MICU2: variants seen among roughly 807,000 people sequenced by gnomAD.
MICU2 encodes mitochondrial calcium uptake 2, also known as calcium uptake protein 2, mitochondrial.
Under a neutral mutation model 60.4 loss-of-function variants are expected in MICU2, and 64 were observed. The observed-to-expected ratio is 1.06, with a 90% confidence interval of 0.87 to 1.31. The LOEUF is 1.31. MICU2 is among the 50% of genes most tolerant of loss of function. MICU2 has a pLI of 0.00. For synonymous variants in MICU2, 201 were observed against 175.0 expected, an observed-to-expected ratio of 1.15 and a Z score of -1.17; for missense variants, 569 against 531.0, an observed-to-expected ratio of 1.07 and a Z score of -0.70.
Position 21,539,347 on chromosome 13 carries a change from T to C in MICU2, c.421A>G (p.Thr141Ala), listed in dbSNP as rs1887217976. ...DIEDTLSGIQ[T>A]AGCGSTFFRD... ...AAAAAAGTTGATCCACAGCCAGCTG[T>C]TTGGATCCCTGACAGTGTATCCTCG... Residue 141 changes from threonine (T) to alanine (A), a missense_variant, in exon 4 of 12, where the codon ACA becomes GCA. Physicochemically the swap from Thr to Ala is moderately conservative, Grantham distance 58. Coordinates refer to ENST00000382374, the MANE Select transcript of MICU2 (RefSeq NM_152726.3). 1 of 1,614,114 alleles carries C rather than the reference T, an allele frequency of 6.2e-7. No individual in the cohort carries two copies. Among genetic ancestry groups the C allele is most frequent in the East Asian group, 2.2e-5 (1 of 44,890 alleles).
intron 9 of MICU2, among the ~76,000 whole-genome samples, chr13:21,497,458 C>T (rs570373111): frequency 5.3e-5 from 8 of 152,234 alleles, no homozygotes; most frequent in Non-Finnish European, 1.0e-4. Flanking sequence ...ACTGCAATCA[C>T]AGCACTTTGG....
chr13:21,502,769 C>T, intron 9 of MICU2, 157 bp downstream of exon 9: 1 of 609,312 alleles, frequency 1.6e-6, no homozygotes, highest in South Asian at 2.3e-5. Flanking sequence ...GGCAGTTTTC[C>T]TTTACAGGAG....
chr13:21,531,433 T>C (rs952864296), intron 4 of MICU2: 2 of 715,124 alleles, frequency 2.8e-6, no homozygotes, highest in African/African-American at 1.8e-5. Flanking sequence ...TCAAAGTGCA[T>C]CACACAGGTA....
chr13:21,561,786 G>C (rs1887850221), intron 2 of MICU2, among the ~76,000 whole-genome samples: 2 of 140,892 alleles, frequency 1.4e-5, no homozygotes, highest in South Asian at 4.7e-4. Context: ...ATGTATACAT[G>C]TGCCATGCTG....
intron 1 of MICU2, among the ~76,000 whole-genome samples, chr13:21,571,590 C>T (rs188924960): frequency 1.2e-3 from 175 of 152,166 alleles, no homozygotes; most frequent in Non-Finnish European, 1.7e-3. Flanking sequence ...CGCAGCTACT[C>T]GGGAGGCTGA....
rs1888844900 is a variant in MICU2, at chr13:21,602,462, C to CCA, written c.210+1476_210+1477insTG. On this transcript the variant is annotated intron_variant, in intron 1 of 11. Coordinates refer to ENST00000382374, the MANE Select transcript of MICU2 (RefSeq NM_152726.3). ...GCGTGAACCCGGGAGGCGGAGCTTG[C>CCA]AGTAAGCCGAGATAGCGCCACTGCA... 6.6e-5 allele frequency among the ~76,000 whole-genome samples: 10 copies of CCA among 152,110 alleles called. No homozygotes were observed. The South Asian group carries it at 2.1e-3, about 32-fold the overall frequency.
At position 21,601,052 on chromosome 13, in the gene MICU2, T is replaced by G. The variant is rs1888803784; in HGVS notation, c.210+2887A>C. Among the ~76,000 whole-genome samples the G allele has an allele frequency of 2.0e-5, 3 of 152,292 alleles. No homozygotes were observed. In the South Asian group the frequency reaches 6.2e-4, roughly 32 times the overall value. ...ACCTCGTGATCCGCCCATCTCGGCC[T>G]CCCAAAGTGCTGGGATTACAGGCGT... On this transcript the variant is annotated intron_variant, in intron 1 of 11. Transcript: ENST00000382374.
intron 4 of MICU2, among the ~76,000 whole-genome samples, chr13:21,524,780 A>G (rs930651214): frequency 6.6e-6 from 1 of 152,046 alleles, no homozygotes; most frequent in Non-Finnish European, 1.5e-5. Context: ...CCCACCACCC[A>G]TTCCTGCCTC....
At chr13:21,518,430 C>G (rs189406694) in intron 6 of MICU2, among the ~76,000 whole-genome samples, 1 of 152,304 alleles carries the variant, frequency 6.6e-6, no homozygotes, top group Non-Finnish European at 1.5e-5. Flanking sequence ...AACTTTGGTG[C>G]TGATGAGTAT....
At position 21,550,817 on chromosome 13, in the gene MICU2, C is replaced by T. The variant is rs556978101; in HGVS notation, c.359-11129G>A. On this transcript the variant is annotated intron_variant, in intron 2 of 11. Transcript: ENST00000382374. ...CTTTGACGTAGGTACTATTAGCACT[C>T]CCGTTTTACTGATGAGGAAACCTAG... Among the ~76,000 whole-genome samples the T allele has an allele frequency of 3.3e-5, 5 of 152,226 alleles. No individual in the cohort carries two copies. In the East Asian group the frequency reaches 9.7e-4, roughly 29 times the overall value.
chr13:21,501,808 C>T (rs777648730), intron 9 of MICU2, among the ~76,000 whole-genome samples: 3 of 152,132 alleles, frequency 2.0e-5, no homozygotes. Context: ...AGCCTCTGAG[C>T]GTGGTACTTC....
chr13:21,507,667 A>G (rs2138144071), intron 8 of MICU2, among the ~76,000 whole-genome samples: 1 of 148,600 alleles, frequency 6.7e-6, no homozygotes, highest in South Asian at 2.1e-4. Context: ...GCAGTGGCGC[A>G]GTCTTGGCTC....
Position 21,522,627 on chromosome 13 carries a change from G to T in MICU2, c.490C>A (p.Leu164Ile), listed in dbSNP as rs1188375841. 1.9e-6 allele frequency: 3 copies of T among 1,604,996 alleles called. No homozygotes were observed. The highest frequency in any genetic ancestry group is 2.2e-5 in the East Asian group (1 of 44,566). ...DKGLISYTEY[L>I]FLLTILTKPH... ...CTAGTGAGGATTGTAAGCAAGAAAA[G>T]ATACTCGGTATATGAAATTAGCCCT... Residue 164 changes from leucine (L) to isoleucine (I), a missense_variant, in exon 5 of 12, where the codon CTT (leucine) becomes ATT (isoleucine). Leu to Ile is a conservative substitution (Grantham distance 5, BLOSUM62 2). Coordinates refer to ENST00000382374, the MANE Select transcript of MICU2 (RefSeq NM_152726.3).
chr13:21,518,197 A>G (rs1302533288), intron 6 of MICU2, among the ~76,000 whole-genome samples: 1 of 152,246 alleles, frequency 6.6e-6, no homozygotes, highest in Non-Finnish European at 1.5e-5. Flanking sequence ...AATGTATTTG[A>G]AAAAATTTTA....
chr13:21,537,692 AACTCTGT>A, intron 4 of MICU2, among the ~76,000 whole-genome samples: 1 of 152,096 alleles, frequency 6.6e-6, no homozygotes, highest in Non-Finnish European at 1.5e-5. Context: ...GCTGGTCTCA[AACTCTGT>A]ACCTCAGGTG....
At position 21,492,857 on chromosome 13, in the gene MICU2, T is replaced by A. The variant is rs540494037; in HGVS notation, c.*392A>T. On this transcript the variant is annotated 3_prime_UTR_variant, in exon 12 of 12. Coordinates refer to ENST00000382374, the MANE Select transcript of MICU2 (RefSeq NM_152726.3). ...AATCTGAAATAAGTTTTTAACTTCA[T>A]TTAGCCTATTAGGAACATGAAGATG... 1 of 154,148 alleles carries A rather than the reference T, an allele frequency of 6.5e-6. No homozygotes were observed. The highest frequency in any genetic ancestry group is 2.4e-5 in the African/African-American group (1 of 41,612). 9.5% of individuals were successfully genotyped at this position (154,148 alleles called of 1,614,324 possible).
intron 4 of MICU2, among the ~76,000 whole-genome samples, chr13:21,525,109 C>T (rs1886815436): frequency 6.6e-6 from 1 of 151,616 alleles, no homozygotes; most frequent in Non-Finnish European, 1.5e-5. Flanking sequence ...ATCTAAGCCC[C>T]TGCTTTCATT....
chr13:21,592,956 C>T (rs1204591969), intron 1 of MICU2, among the ~76,000 whole-genome samples: 2 of 152,178 alleles, frequency 1.3e-5, no homozygotes, highest in Admixed American at 1.3e-4. Flanking sequence ...AAAACCAGTA[C>T]AAGACGAGGA....
At chr13:21,505,859 T>A (rs1167650817) in intron 8 of MICU2, among the ~76,000 whole-genome samples, 1 of 152,104 alleles carries the variant, frequency 6.6e-6, no homozygotes, top group Non-Finnish European at 1.5e-5. Context: ...AGATTCTAGT[T>A]ATAAAGAGAA....
Sources: allele counts gnomAD v4.1 joint callset (sites outside exome capture counted in the v4.1 genomes callset), GRCh38; gene constraint gnomAD v4.1.1; transcripts MANE v1.5; gene names NCBI Gene and HGNC (gene_info 2026-07-23, HGNC 2026-07-21).